CACNA1C: variants seen among roughly 807,000 people sequenced by gnomAD.
CACNA1C encodes the protein voltage-dependent L-type calcium channel subunit alpha-1C.
A neutral mutation model predicts 229.0 loss-of-function variants in CACNA1C; 30 were observed. The observed-to-expected ratio is 0.13, with a 90% CI of 0.10 to 0.18. The LOEUF (loss-of-function observed/expected upper bound fraction) is 0.18. Among genes scored for constraint, CACNA1C ranks in the 10% least tolerant of loss-of-function variants. The probability of loss-of-function intolerance (pLI) is 1.00; values close to 1 mark genes in which losing one functional copy is unlikely to be tolerated. For missense variants in CACNA1C, 1,658 were observed against 2,845.0 expected (o/e 0.58, Z 9.49); for synonymous variants, 1,114 against 1,132.5 (o/e 0.98, Z 0.33).
intron 3 of CACNA1C, among the ~76,000 whole-genome samples, chr12:2,237,563 T>C (rs2067930186): frequency 6.6e-6 from 1 of 152,240 alleles, no homozygotes; most frequent in Non-Finnish European, 1.5e-5. Flanking sequence ...CAGAGTGTTG[T>C]ATTGAGTCTC....
At chr12:2,331,569 C>G (rs2154514607) in intron 3 of CACNA1C, among the ~76,000 whole-genome samples, 1 of 152,356 alleles carries the variant, frequency 6.6e-6, no homozygotes, top group South Asian at 2.1e-4. Context: ...GAGACATTAA[C>G]AGCTTAAATA....
rs1244440758 is a variant in CACNA1C at position 2,677,089 on chromosome 12, C to T, written c.4829-5C>T. 6.2e-7 allele frequency: 1 copy of T among 1,612,450 alleles called. No homozygotes were observed. Among genetic ancestry groups the T allele is most frequent in the Admixed American group, 1.7e-5 (1 of 59,946 alleles). ...TACCCCCTCTCCCCTCTCCATACGT[C>T]TCAGATGATGAGGTCACCGTTGGCA... On this transcript the variant is annotated splice_region_variant and splice_polypyrimidine_tract_variant and intron_variant, in intron 39 of 46. Coordinates refer to ENST00000399655, the MANE Select transcript of CACNA1C (RefSeq NM_000719.7). This position sits in a 1 kb window ranked among gnomAD's most constrained non-coding sequence, Gnocchi z 7.4.
At chr12:2,323,742 G>T (rs1247820743) in intron 3 of CACNA1C, among the ~76,000 whole-genome samples, 4 of 152,188 alleles carry the variant, frequency 2.6e-5, no homozygotes, top group African/African-American at 9.7e-5. Flanking sequence ...CAGGAGATTT[G>T]GGGAAATGGT....
chr12:2,014,248 C>G (rs1437768145), intron 1 of CACNA1C, among the ~76,000 whole-genome samples: 1 of 149,766 alleles, frequency 6.7e-6, no homozygotes, highest in Non-Finnish European at 1.5e-5. Context: ...TAGAAGAAAA[C>G]AACAAACTGT....
chr12:2,564,825 A>C (rs561679220), intron 11 of CACNA1C, among the ~76,000 whole-genome samples: 112 of 152,292 alleles, frequency 7.4e-4, no homozygotes, highest in African/African-American at 2.6e-3. Flanking sequence ...GAACAGGAAG[A>C]GAATTCCTCA....
At chr12:2,017,791 T>C (rs2045646341) in intron 1 of CACNA1C, among the ~76,000 whole-genome samples, 1 of 152,166 alleles carries the variant, frequency 6.6e-6, no homozygotes, top group Admixed American at 6.5e-5. Flanking sequence ...CAGAGTCAGC[T>C]GTCGGTGTGT....
intron 3 of CACNA1C, among the ~76,000 whole-genome samples, chr12:2,307,336 A>T (rs1053871685): frequency 2.6e-5 from 4 of 152,302 alleles, no homozygotes; most frequent in Admixed American, 1.3e-4. Flanking sequence ...AAAGCTGCTG[A>T]TGTAGTTTAA....
intron 3 of CACNA1C, among the ~76,000 whole-genome samples, chr12:2,233,027 A>T (rs2065934456): frequency 6.6e-6 from 1 of 152,190 alleles, no homozygotes; most frequent in South Asian, 2.1e-4. Context: ...TGTTACTCCA[A>T]GGAGTACTGA....
At chr12:2,004,121 C>T (rs1210081294) in intron 1 of CACNA1C, 5 of 1,039,570 alleles carry the variant, frequency 4.8e-6, no homozygotes, top group Non-Finnish European at 6.9e-6. Flanking sequence ...CCCCAAACCC[C>T]CGAGACCCCA....
At chr12:2,334,729 C>T (rs1484540354) in intron 3 of CACNA1C, among the ~76,000 whole-genome samples, 3 of 151,030 alleles carry the variant, frequency 2.0e-5, no homozygotes, top group Non-Finnish European at 4.4e-5. Flanking sequence ...TCAGTTTTTT[C>T]AGCTATAAAA....
At chr12:2,114,588 C>G (rs1464867360) in intron 1 of CACNA1C, among the ~76,000 whole-genome samples, 2 of 152,192 alleles carry the variant, frequency 1.3e-5, no homozygotes, top group African/African-American at 2.4e-5. Context: ...CACTTAAAGC[C>G]CAGATGGCTT....
At chr12:2,241,260 C>G (rs1161973516) in intron 3 of CACNA1C, among the ~76,000 whole-genome samples, 1 of 152,104 alleles carries the variant, frequency 6.6e-6, no homozygotes, top group African/African-American at 2.4e-5. Flanking sequence ...TCATGGCAGC[C>G]TTAGAGAAAT....
chr12:2,576,611 G>A lies in CACNA1C; in HGVS notation c.1896-4979G>A, dbSNP rs117787472. The stretch of plus-strand genomic sequence containing the variant: ...CATTAACCCCTCTAGTTTACCAACA[G>A]TGAATCTTCCTAAAAAAGATGGTGA... On this transcript the variant is annotated intron_variant, in intron 13 of 46. Transcript: ENST00000399655. Among the ~76,000 whole-genome samples the A allele has an allele frequency of 3.7e-4, 56 of 152,272 alleles. No individual in the cohort carries two copies. In the East Asian group the frequency reaches 0.01, roughly 28 times the overall value.
Position 2,599,163 on chromosome 12 carries a change from G to A in CACNA1C, c.2853+1874G>A, listed in dbSNP as rs530036203. Among the ~76,000 whole-genome samples the A allele has an allele frequency of 5.9e-5, 9 of 152,298 alleles. 1 individual carries two copies. In the South Asian group the frequency reaches 1.9e-3, roughly 32 times the overall value. ...ATTGCCATACAAGCTGAAGTGAAAGGTCTCTTTGCAAGCATTGTCATGGCA... is the reference window on the plus strand; with the variant it reads ...ATTGCCATACAAGCTGAAGTGAAAGATCTCTTTGCAAGCATTGTCATGGCA... On this transcript the variant is annotated intron_variant, in intron 21 of 46. Transcript: ENST00000399655.
intron 3 of CACNA1C, among the ~76,000 whole-genome samples, chr12:2,192,415 G>C (rs1480811262): frequency 1.3e-5 from 2 of 152,122 alleles, no homozygotes; most frequent in Non-Finnish European, 2.9e-5. Context: ...TTCTGCGCGT[G>C]GATTCCCGTG....
At chr12:2,513,692 C>T (rs2099790007) in intron 9 of CACNA1C, among the ~76,000 whole-genome samples, 1 of 152,188 alleles carries the variant, frequency 6.6e-6, no homozygotes, top group African/African-American at 2.4e-5. Context: ...AAAATTCAGG[C>T]TCTTACCAGA....
chr12:2,462,274 A>G (rs4993578), intron 5 of CACNA1C, among the ~76,000 whole-genome samples: 4,029 of 76,274 alleles, frequency 0.053, 52 homozygotes, highest in East Asian at 0.13. Context: ...ACAGGCCTGC[A>G]CACTTCCTCG....
chr12:2,185,592 A>G (rs575114576), intron 3 of CACNA1C, among the ~76,000 whole-genome samples: 35 of 152,230 alleles, frequency 2.3e-4, no homozygotes, highest in Non-Finnish European at 4.3e-4. Flanking sequence ...ACACAGACAC[A>G]CATAGAAGGA....
intron 1 of CACNA1C, among the ~76,000 whole-genome samples, chr12:2,000,820 T>C (rs1432281715): frequency 6.6e-6 from 1 of 152,246 alleles, no homozygotes; most frequent in East Asian, 1.9e-4. Context: ...GTGGATCACC[T>C]GAGGTCAGGA....
Sources: gnomAD v4.1 joint callset for allele counts (sites outside exome capture counted in the v4.1 genomes callset) on GRCh38, gnomAD v4.1.1 for gene constraint, Gnocchi (gnomAD v3.1) non-coding constraint, MANE v1.5 for transcripts, NCBI Gene and HGNC (gene_info 2026-07-23, HGNC 2026-07-21) for gene names.